Variants in HMCN1 observed in about 807,000 individuals in gnomAD.
HMCN1 encodes hemicentin-1.
A neutral mutation model predicts 625.9 loss-of-function variants in HMCN1; 321 were observed. The observed-to-expected ratio is 0.51, with a 90% confidence interval of 0.47 to 0.56. HMCN1 has a LOEUF of 0.56. HMCN1 is among the 20% of genes least tolerant of loss of function. The probability of loss-of-function intolerance (pLI) is 0.00; values close to 1 mark genes in which losing one functional copy is unlikely to be tolerated. For missense variants in HMCN1, 6,588 were observed against 6,887.3 expected, an observed-to-expected ratio of 0.96 and a Z score of 1.54; for synonymous variants, 2,425 against 2,417.6, an observed-to-expected ratio of 1.00 and a Z score of -0.09.
At chr1:185,934,045 CAT>C (rs375175151) in intron 11 of HMCN1, among the ~76,000 whole-genome samples, 79 of 152,122 alleles carry the variant, frequency 5.2e-4, no homozygotes, top group African/African-American at 1.9e-3. Flanking sequence ...CACAGCTAAT[CAT>C]AGTAGTTGAA....
At chr1:186,141,591 A>G (rs1167237101) in intron 89 of HMCN1, among the ~76,000 whole-genome samples, 3 of 152,210 alleles carry the variant, frequency 2.0e-5, no homozygotes, top group Non-Finnish European at 4.4e-5. Flanking sequence ...TACAGATTAA[A>G]GAGTGACCAT....
In HMCN1 at chr1:186,041,156, A is replaced by G. The variant is rs1656179576; in HGVS notation, c.6304+20A>G. 6.2e-7 allele frequency: 1 copy of G among 1,607,278 alleles called. No individual in the cohort carries two copies. Among genetic ancestry groups the G allele is most frequent in the South Asian group, 1.1e-5 (1 of 90,960 alleles). ...TATATGGTGAGACATTTTAGTAATT[A>G]ATTCTCTTCTGGTAGAGATATGTTT... On this transcript the variant is annotated intron_variant, in intron 40 of 106. Coordinates refer to ENST00000271588, the MANE Select transcript of HMCN1 (RefSeq NM_031935.3).
chr1:185,825,215 A>C (rs1660442670), intron 1 of HMCN1, among the ~76,000 whole-genome samples: 1 of 152,168 alleles, frequency 6.6e-6, no homozygotes, highest in Non-Finnish European at 1.5e-5. Context: ...CAAAGCATAC[A>C]CCAAAGCTGA....
At chr1:185,900,663 T>C (rs1232293610) in intron 4 of HMCN1, among the ~76,000 whole-genome samples, 1 of 151,986 alleles carries the variant, frequency 6.6e-6, no homozygotes, top group East Asian at 1.9e-4. Flanking sequence ...TGCACTATTA[T>C]ATGCTCTATT....
chr1:186,189,644 A>C lies in HMCN1; in HGVS notation c.16674A>C (p.Thr5558=). The C allele has an allele frequency of 6.2e-7, 1 of 1,612,618 alleles. No individual in the cohort carries two copies. Among genetic ancestry groups the C allele is most frequent in the Non-Finnish European group, 8.5e-7 (1 of 1,179,138 alleles). The change falls in exon 107 of 107, where the codon ACA becomes ACC. Residue 5558 remains threonine, a synonymous_variant. Coordinates refer to ENST00000271588, the MANE Select transcript of HMCN1 (RefSeq NM_031935.3). ...NQDLIRLVAY[T]QDGVMHPRTT... Reference sequence around the variant, plus strand: ...ATTTAATCCGGCTGGTTGCATACACACAGGATGGAGTGATGCATCCCAGGA... The same window carrying C: ...ATTTAATCCGGCTGGTTGCATACACCCAGGATGGAGTGATGCATCCCAGGA...
At chr1:186,180,940 G>C (rs1189924805) in intron 104 of HMCN1, among the ~76,000 whole-genome samples, 1 of 152,150 alleles carries the variant, frequency 6.6e-6, no homozygotes. Context: ...GGACAGACAA[G>C]TTATAAAAGA....
chr1:185,875,069 A>G (rs920868361), intron 4 of HMCN1, among the ~76,000 whole-genome samples: 1 of 151,986 alleles, frequency 6.6e-6, no homozygotes, highest in African/African-American at 2.4e-5. Context: ...TCTTAAAAGT[A>G]TATGTCTGGT....
At chr1:186,172,794 C>T (rs1011641220) in intron 102 of HMCN1, among the ~76,000 whole-genome samples, 5 of 152,122 alleles carry the variant, frequency 3.3e-5, no homozygotes, top group Non-Finnish European at 7.4e-5. Flanking sequence ...TTAAATTGGC[C>T]TACTCCACTA....
chr1:185,847,201 C>A (rs1266932110), intron 2 of HMCN1, among the ~76,000 whole-genome samples: 2 of 152,184 alleles, frequency 1.3e-5, no homozygotes, highest in East Asian at 3.9e-4. Flanking sequence ...AAAGGCATAA[C>A]CTCATTCCTG....
At position 186,078,154 on chromosome 1, in the gene HMCN1, A is replaced by T. The variant is rs577219204; in HGVS notation, c.8533A>T (p.Arg2845Ter). 6.2e-7 allele frequency: 1 copy of T among 1,613,894 alleles called. No individual in the cohort carries two copies. The highest frequency in any genetic ancestry group is 1.1e-5 in the South Asian group (1 of 91,078). Reference protein sequence around the residue: ...IPRAKVEDAGRYTCVAVNEAG... With the variant: ...IPRAKVEDAG Reference sequence around the variant, plus strand: ...TCGGGCTAAAGTAGAAGATGCTGGGAGATACACATGTGTGGCTGTGAATGA... The same window carrying T: ...TCGGGCTAAAGTAGAAGATGCTGGGTGATACACATGTGTGGCTGTGAATGA... The change falls in exon 55 of 107, where the codon AGA (arginine) becomes TGA (stop). Residue 2845 changes from arginine (R) to a stop codon, truncating the protein, a stop_gained. Transcript: ENST00000271588. LOFTEE classifies it high-confidence loss of function.
intron 2 of HMCN1, among the ~76,000 whole-genome samples, chr1:185,857,747 A>G (rs1391466586): frequency 6.6e-6 from 1 of 152,216 alleles, no homozygotes; most frequent in Non-Finnish European, 1.5e-5. Context: ...ATTGCTTTGC[A>G]AAATCTTTCA....
At chr1:185,944,478 A>G (rs1668238289) in intron 11 of HMCN1, among the ~76,000 whole-genome samples, 1 of 152,242 alleles carries the variant, frequency 6.6e-6, no homozygotes, top group South Asian at 2.1e-4. Flanking sequence ...AAAGGTACAA[A>G]GTGGATGCAA....
intron 13 of HMCN1, among the ~76,000 whole-genome samples, chr1:185,964,615 C>CT (rs1650264440): frequency 6.6e-6 from 1 of 151,996 alleles, no homozygotes; most frequent in African/African-American, 2.4e-5. Context: ...AATTGAGAGC[C>CT]TGGAAAGAAG....
intron 104 of HMCN1, 149 bp downstream of exon 104, chr1:186,178,915 C>T: frequency 1.4e-6 from 1 of 702,108 alleles, no homozygotes; most frequent in South Asian, 1.5e-5. Context: ...TATTTTGGCA[C>T]CTAAAACTAT....
intron 72 of HMCN1, 70 bp from the exon 73 acceptor site, chr1:186,113,909 T>C: frequency 6.6e-7 from 1 of 1,522,776 alleles, no homozygotes; most frequent in Non-Finnish European, 9.1e-7. Flanking sequence ...TTATATTACA[T>C]CTTCAGGGTC....
At chr1:185,869,137 A>G (rs924518816) in intron 4 of HMCN1, among the ~76,000 whole-genome samples, 2 of 152,214 alleles carry the variant, frequency 1.3e-5, no homozygotes, top group Non-Finnish European at 1.5e-5. Context: ...TAAGTCAACA[A>G]TCAAACCCAT....
At chr1:185,770,100 A>T (rs532391765) in intron 1 of HMCN1, among the ~76,000 whole-genome samples, 1 of 152,140 alleles carries the variant, frequency 6.6e-6, no homozygotes, top group African/African-American at 2.4e-5. Flanking sequence ...ACAGTAGGGA[A>T]GTGAGTTCTA....
chr1:185,791,279 G>C (rs532998272), intron 1 of HMCN1, among the ~76,000 whole-genome samples: 1 of 151,976 alleles, frequency 6.6e-6, no homozygotes, highest in Non-Finnish European at 1.5e-5. Context: ...AATATTTGCT[G>C]TTATGTGAAT....
chr1:186,169,989 A>C (rs1051855108), intron 100 of HMCN1, among the ~76,000 whole-genome samples: 2 of 151,804 alleles, frequency 1.3e-5, no homozygotes, highest in African/African-American at 2.4e-5. Context: ...AAAAAAAAAA[A>C]CCATCAAAAA....
Sources: gnomAD v4.1 joint callset for allele counts (sites outside exome capture counted in the v4.1 genomes callset) on GRCh38, gnomAD v4.1.1 for gene constraint, MANE v1.5 for transcripts, NCBI Gene and HGNC (gene_info 2026-07-23, HGNC 2026-07-21) for gene names.